The following ANK3 variants were observed in gnomAD, a reference collection of about 807,000 sequenced individuals.
The protein encoded by ANK3 is ankyrin 3.
Under a neutral mutation model 370.9 loss-of-function variants are expected in ANK3, and 57 were observed. That is an observed-to-expected ratio of 0.15 (90% CI 0.12 to 0.19). The LOEUF (loss-of-function observed/expected upper bound fraction) is 0.19, where lower values mean the gene tolerates loss of function less well. Among genes scored for constraint, ANK3 ranks in the 10% least tolerant of loss-of-function variants. ANK3 has a pLI of 1.00. For synonymous variants in ANK3, 1,929 were observed against 1,946.3 expected (o/e 0.99, Z 0.23); for missense variants, 4,439 against 5,302.1 (o/e 0.84, Z 5.06).
chr10:60,110,321 A>C (rs1394869343), intron 26 of ANK3, among the ~76,000 whole-genome samples: 1 of 152,056 alleles, frequency 6.6e-6, no homozygotes, highest in African/African-American at 2.4e-5. Flanking sequence ...GCTGGCGATC[A>C]TTTTTCAGCC....
chr10:60,626,046 T>C (rs2078405805), intron 1 of ANK3, among the ~76,000 whole-genome samples: 1 of 151,728 alleles, frequency 6.6e-6, no homozygotes, highest in South Asian at 2.1e-4. Flanking sequence ...AAACATCTTC[T>C]TTTGGAAGAC....
intron 8 of ANK3, among the ~76,000 whole-genome samples, chr10:60,217,564 G>T (rs115130637): frequency 6.6e-6 from 1 of 152,166 alleles, no homozygotes; most frequent in Non-Finnish European, 1.5e-5. Flanking sequence ...ATGTAATTGT[G>T]TAGTTTTCAG....
At position 60,198,502 on chromosome 10, in the gene ANK3, C is replaced by A; in HGVS notation, c.1527G>T (p.Leu509=). 1.2e-6 allele frequency: 2 copies of A among 1,614,180 alleles called. No individual in the cohort carries two copies. Among genetic ancestry groups the A allele is most frequent in the Non-Finnish European group, 1.7e-6 (2 of 1,180,034 alleles). ...DQTPLHISAR[L]GKADIVQQLL... ...GCTGTTGTACTATGTCTGCTTTCCCCAGTCGGGCTGAAATGTGGAGTGGTG... is the reference window on the plus strand; with the variant it reads ...GCTGTTGTACTATGTCTGCTTTCCCAAGTCGGGCTGAAATGTGGAGTGGTG... The change falls in exon 14 of 44, where the codon CTG becomes CTT. Residue 509 remains leucine, a synonymous_variant. Coordinates refer to ENST00000280772, the MANE Select transcript of ANK3 (RefSeq NM_020987.5).
At chr10:60,404,709 T>TA (rs1309012675) in intron 2 of ANK3, among the ~76,000 whole-genome samples, 3 of 151,900 alleles carry the variant, frequency 2.0e-5, no homozygotes, top group Admixed American at 1.3e-4. Context: ...TTACAAAATT[T>TA]AAAAAAAAGT....
At chr10:60,509,803 C>T (rs992755283) in intron 2 of ANK3, among the ~76,000 whole-genome samples, 2 of 152,108 alleles carry the variant, frequency 1.3e-5, no homozygotes, top group African/African-American at 4.8e-5. Context: ...TATTATTTGT[C>T]CTTAGATGAA....
At chr10:60,708,630 G>A (rs887119783) in intron 1 of ANK3, among the ~76,000 whole-genome samples, 1 of 152,152 alleles carries the variant, frequency 6.6e-6, no homozygotes, top group Non-Finnish European at 1.5e-5. Context: ...TGATTTGCCA[G>A]AGCCTAACTG....
At chr10:60,161,869 T>C (rs1169622849) in intron 23 of ANK3, among the ~76,000 whole-genome samples, 1 of 149,568 alleles carries the variant, frequency 6.7e-6, no homozygotes, top group Non-Finnish European at 1.5e-5. Context: ...CAATAATTTA[T>C]AGTTAACAAT....
intron 1 of ANK3, among the ~76,000 whole-genome samples, chr10:60,294,320 TTA>T (rs2042067248): frequency 6.6e-6 from 1 of 152,134 alleles, no homozygotes; most frequent in Non-Finnish European, 1.5e-5. Context: ...GGTCAGATAA[TTA>T]GAGGCCTGAG....
intron 2 of ANK3, among the ~76,000 whole-genome samples, chr10:60,567,204 G>A (rs1476518765): frequency 1.3e-5 from 2 of 152,186 alleles, no homozygotes; most frequent in African/African-American, 4.8e-5. Flanking sequence ...ACCTAGGACT[G>A]TCACAACTAC....
intron 1 of ANK3, among the ~76,000 whole-genome samples, chr10:60,693,794 T>C (rs2079397134): frequency 1.3e-5 from 2 of 151,934 alleles, no homozygotes; most frequent in South Asian, 2.1e-4. Flanking sequence ...ACCACAAAGA[T>C]GGGGAAAAAC....
chr10:60,107,818 G>A lies in ANK3; in HGVS notation c.3173+1012C>T, dbSNP rs569205511. Reference sequence around the variant, plus strand: ...ATACATGTAATTGATAGCAAATGTTGACTCAAAGCCTGCAAATACCTTCTC... The same window carrying A: ...ATACATGTAATTGATAGCAAATGTTAACTCAAAGCCTGCAAATACCTTCTC... On this transcript the variant is annotated intron_variant, in intron 27 of 43. Coordinates refer to ENST00000280772, the MANE Select transcript of ANK3 (RefSeq NM_020987.5). Among the ~76,000 whole-genome samples the A allele has an allele frequency of 5.3e-5, 8 of 152,156 alleles. No individual in the cohort carries two copies. In the South Asian group the frequency reaches 1.7e-3, roughly 31 times the overall value.
Position 60,070,912 on chromosome 10 carries a change from A to G in ANK3, c.9969T>C (p.Ile3323=). ...ATTTTTTAACTGGGACTGGCTGATA[A>G]ATAGATTCGTCATCGCTTGAATCAC... ...DVSDSSDDES[I]YQPVPVKKYT... Residue 3323 remains isoleucine (I), a synonymous_variant, in exon 37 of 44, where the codon ATT becomes ATC. Transcript: ENST00000280772. The surrounding 1 kb of genome is among the most constrained non-coding windows in gnomAD (Gnocchi z 5.7). 1 of 1,614,062 alleles carries G rather than the reference A, an allele frequency of 6.2e-7. No homozygotes were observed. Among genetic ancestry groups the G allele is most frequent in the Non-Finnish European group, 8.5e-7 (1 of 1,179,978 alleles).
chr10:60,713,412 G>A (rs1053979009), intron 1 of ANK3, among the ~76,000 whole-genome samples: 4 of 151,988 alleles, frequency 2.6e-5, no homozygotes, highest in African/African-American at 9.7e-5. Flanking sequence ...TGAACTAAAT[G>A]AAAATAAAGA....
chr10:60,077,710 A>C (rs2084150076), intron 36 of ANK3, among the ~76,000 whole-genome samples: 1 of 152,162 alleles, frequency 6.6e-6, no homozygotes, highest in Admixed American at 6.5e-5. Context: ...ACATCTAAAA[A>C]CTACATTCAT....
At chr10:60,509,328 A>G (rs2076021835) in intron 2 of ANK3, among the ~76,000 whole-genome samples, 1 of 152,150 alleles carries the variant, frequency 6.6e-6, no homozygotes, top group African/African-American at 2.4e-5. Flanking sequence ...GTCAAATACC[A>G]AAGCATTTTA....
chr10:60,720,607 G>T (rs1046533275), intron 1 of ANK3, among the ~76,000 whole-genome samples: 6 of 152,048 alleles, frequency 3.9e-5, no homozygotes, highest in Non-Finnish European at 5.9e-5. Context: ...TATCTTTGAA[G>T]GTTTTCTGTT....
chr10:60,088,038 G>A, intron 29 of ANK3, 109 bp downstream of exon 29: 2 of 830,444 alleles, frequency 2.4e-6, no homozygotes, highest in Non-Finnish European at 3.9e-6. Context: ...TCCCCAAACG[G>A]CCTAATTAGC....
chr10:60,691,774 A>C (rs760518538), intron 1 of ANK3, among the ~76,000 whole-genome samples: 1 of 152,118 alleles, frequency 6.6e-6, no homozygotes, highest in Non-Finnish European at 1.5e-5. Context: ...CTGGGCTTTC[A>C]CCTGCTCTCC....
chr10:60,697,677 G>T (rs1236057121), intron 1 of ANK3, among the ~76,000 whole-genome samples: 1 of 150,860 alleles, frequency 6.6e-6, no homozygotes, highest in East Asian at 1.9e-4. Context: ...TTAATAAATG[G>T]TGCTGGGAAA....
Sources: gnomAD v4.1 joint callset for allele counts (sites outside exome capture counted in the v4.1 genomes callset) on GRCh38, gnomAD v4.1.1 for gene constraint, Gnocchi (gnomAD v3.1) non-coding constraint, MANE v1.5 for transcripts, NCBI Gene and HGNC (gene_info 2026-07-23, HGNC 2026-07-21) for gene names.